Variants in TRPC5 observed in about 807,000 individuals in gnomAD.
The protein encoded by TRPC5 is short transient receptor potential channel 5.
A neutral mutation model predicts 56.5 loss-of-function variants in TRPC5; 9 were observed. The observed-to-expected ratio is 0.16, with a 90% confidence interval of 0.10 to 0.28. The LOEUF (loss-of-function observed/expected upper bound fraction) is 0.28, where lower values mean the gene tolerates loss of function less well. Ranked by LOEUF, TRPC5 falls within the 10% of genes least tolerant of loss-of-function variation. The pLI, the probability that TRPC5 is intolerant of heterozygous loss-of-function variation, is 1.00. For synonymous variants in TRPC5, 282 were observed against 278.5 expected, an observed-to-expected ratio of 1.01 and a Z score of -0.13; for missense variants, 469 against 748.9, an observed-to-expected ratio of 0.63 and a Z score of 4.36.
At chrX:111,917,865 G>A (rs1374067969) in intron 2 of TRPC5, among the ~76,000 whole-genome samples, 1 of 112,712 alleles carries the variant, frequency 8.9e-6, no homozygotes, top group African/African-American at 3.2e-5. Flanking sequence ...CTTTTGCAAT[G>A]GGACATTCTT....
At chrX:112,063,260 A>G (rs1930500187) in intron 1 of TRPC5, among the ~76,000 whole-genome samples, 1 of 112,091 alleles carries the variant, frequency 8.9e-6, no homozygotes, top group Admixed American at 9.4e-5. Context: ...GGTCAACCCA[A>G]ACTATGACAG....
At chrX:111,875,572 C>CT (rs771241425) in intron 3 of TRPC5, among the ~76,000 whole-genome samples, 3,767 of 70,368 alleles carry the variant, frequency 0.054, 159 homozygotes, top group African/African-American at 0.12. Context: ...TTTTTTCTTT[C>CT]TTTTTTTTTT....
At chrX:111,907,180 G>A (rs979686560) in intron 3 of TRPC5, among the ~76,000 whole-genome samples, 1 of 109,785 alleles carries the variant, frequency 9.1e-6, no homozygotes, top group African/African-American at 3.3e-5. Flanking sequence ...AACCCTCAGG[G>A]TAAATGTGTT....
At chrX:112,037,233 C>G (rs1929768282) in intron 1 of TRPC5, among the ~76,000 whole-genome samples, 1 of 111,383 alleles carries the variant, frequency 9.0e-6, no homozygotes, top group Admixed American at 9.5e-5. Context: ...CTCTGGTATT[C>G]TAGGTTTACC....
At chrX:111,820,566 C>A (rs1922000433) in intron 7 of TRPC5, among the ~76,000 whole-genome samples, 1 of 111,896 alleles carries the variant, frequency 8.9e-6, no homozygotes, top group Admixed American at 9.5e-5. Flanking sequence ...TGGCACATAG[C>A]CATGCCCGTT....
intron 1 of TRPC5, among the ~76,000 whole-genome samples, chrX:111,966,315 T>G (rs1165856091): frequency 9.0e-6 from 1 of 111,349 alleles, no homozygotes; most frequent in African/African-American, 3.3e-5. Context: ...AATAACAGGA[T>G]CTGAAATTGT....
In TRPC5 at chrX:111,776,863, C is replaced by T. The variant is rs374332395; in HGVS notation, c.2372G>A (p.Arg791Gln). The T allele has an allele frequency of 1.2e-5, 14 of 1,209,667 alleles. No homozygotes were observed. Among genetic ancestry groups the T allele is most frequent in the South Asian group, 7.1e-5 (4 of 56,700 alleles). The change falls in exon 11 of 11, where the codon CGG becomes CAG. Residue 791 changes from arginine (R) to glutamine (Q), a missense_variant. Arg to Gln is a conservative substitution (Grantham distance 43). This residue lies in a region of TRPC5 where 194 missense variants were observed against 221.8 expected (regional missense o/e 0.87). Transcript: ENST00000262839. ...AAAAGAGACACTCTTGGATTTGGCC[C>T]GAGCCCCACCACTGCCATCATTATT... ...DDNNDGSGGA[R>Q]AKSKSVSFNL...
chrX:111,939,392 A>G (rs775454474), intron 2 of TRPC5, among the ~76,000 whole-genome samples: 6 of 111,036 alleles, frequency 5.4e-5, no homozygotes, highest in Non-Finnish European at 7.5e-5. Flanking sequence ...TGGCTTCGGT[A>G]TCAGGGTAGT....
In TRPC5 at chrX:111,912,294, T is replaced by C; in HGVS notation, c.897A>G (p.Lys299=). The C allele has an allele frequency of 2.5e-6, 3 of 1,196,570 alleles. No homozygotes were observed. The highest frequency in any genetic ancestry group is 3.4e-6 in the Non-Finnish European group (3 of 887,703). Residue 299 remains lysine (K), a synonymous_variant, in exon 3 of 11, where the codon AAA becomes AAG. Transcript: ENST00000262839. ...KLKVAIKYHQ[K]EFVAQPNCQQ... ...AGCAGACATGAGCTCAGCTTACCTCTTTCTGGTGGTATTTGATTGCCACCT... is the reference window on the plus strand; with the variant it reads ...AGCAGACATGAGCTCAGCTTACCTCCTTCTGGTGGTATTTGATTGCCACCT...
At position 111,877,331 on chromosome X, in the gene TRPC5, T is replaced by C. The variant is rs978922964; in HGVS notation, c.901-23225A>G. The stretch of plus-strand genomic sequence containing the variant: ...GGAGGATATCTCTGCTACAAAATGA[T>C]GGAGAGGAATTAGGAGCTCATGAGG... On this transcript the variant is annotated intron_variant, in intron 3 of 10. Coordinates refer to ENST00000262839, the MANE Select transcript of TRPC5 (RefSeq NM_012471.3). Among the ~76,000 whole-genome samples the C allele has an allele frequency of 8.0e-5, 9 of 111,860 alleles. No homozygotes were observed. In the South Asian group the frequency reaches 3.4e-3, roughly 42 times the overall value.
At chrX:111,997,038 A>G (rs769310895) in intron 1 of TRPC5, among the ~76,000 whole-genome samples, 3 of 111,562 alleles carry the variant, frequency 2.7e-5, no homozygotes, top group Admixed American at 9.6e-5. Context: ...TGATCCTGTC[A>G]TTATGATATT....
chrX:111,923,765 C>CA (rs747725123), intron 2 of TRPC5, among the ~76,000 whole-genome samples: 23 of 111,162 alleles, frequency 2.1e-4, no homozygotes, highest in African/African-American at 7.5e-4. Flanking sequence ...TGTGATGAAT[C>CA]AAAAAATGAG....
intron 9 of TRPC5, among the ~76,000 whole-genome samples, chrX:111,779,962 TTTA>T (rs1945907294): frequency 8.9e-6 from 1 of 111,974 alleles, no homozygotes; most frequent in African/African-American, 3.2e-5. Context: ...TTATTTAAGA[TTTA>T]TTATTATAAA....
At chrX:112,059,074 C>G (rs1930404637) in intron 1 of TRPC5, among the ~76,000 whole-genome samples, 1 of 111,613 alleles carries the variant, frequency 9.0e-6, no homozygotes, top group East Asian at 2.8e-4. Flanking sequence ...TTATCAAACT[C>G]TCTCCATCAT....
intron 2 of TRPC5, among the ~76,000 whole-genome samples, chrX:111,920,935 G>C (rs891419104): frequency 2.7e-5 from 3 of 111,384 alleles, no homozygotes; most frequent in Non-Finnish European, 5.7e-5. Flanking sequence ...ATAAACTAGA[G>C]GTCCTGTCTA....
At chrX:111,989,408 T>C (rs1258984901) in intron 1 of TRPC5, among the ~76,000 whole-genome samples, 3 of 111,564 alleles carry the variant, frequency 2.7e-5, no homozygotes, top group Admixed American at 9.6e-5. Flanking sequence ...CCCCTGAAGA[T>C]CTTTAGCACA....
chrX:111,826,161 A>G (rs189949391), intron 7 of TRPC5, among the ~76,000 whole-genome samples: 357 of 112,171 alleles, frequency 3.2e-3, no homozygotes, highest in Non-Finnish European at 5.5e-3. Context: ...TCTTGAGCCA[A>G]TGCTGTCTGT....
At chrX:111,848,756 CTT>C (rs1210837092) in intron 5 of TRPC5, among the ~76,000 whole-genome samples, 1 of 112,355 alleles carries the variant, frequency 8.9e-6, no homozygotes, top group Non-Finnish European at 1.9e-5. Context: ...TTCGGATAGA[CTT>C]TTAGGCGGCC....
intron 3 of TRPC5, among the ~76,000 whole-genome samples, chrX:111,892,255 CCTT>C (rs1199157269): frequency 2.7e-5 from 3 of 112,282 alleles, no homozygotes; most frequent in Non-Finnish European, 5.6e-5. Flanking sequence ...ATAATGCTCT[CCTT>C]CTTATCCAAA....
Sources: allele counts gnomAD v4.1 joint callset (sites outside exome capture counted in the v4.1 genomes callset), GRCh38; gene constraint gnomAD v4.1.1; regional missense constraint gnomAD v4.1.1; transcripts MANE v1.5; gene names NCBI Gene and HGNC (gene_info 2026-07-23, HGNC 2026-07-21).